MACF1: variants seen among roughly 807,000 people sequenced by gnomAD.
MACF1 encodes the protein microtubule actin crosslinking factor 1.
A neutral mutation model predicts 854.8 loss-of-function variants in MACF1; 193 were observed. The ratio of observed to expected loss-of-function variants is 0.23; its 90% CI spans 0.20 to 0.25. MACF1 has a LOEUF of 0.25. Among genes scored for constraint, MACF1 ranks in the 10% least tolerant of loss-of-function variants. The pLI is 1.00. For missense variants in MACF1, 7,722 were observed against 8,929.1 expected, an observed-to-expected ratio of 0.86 and a Z score of 5.45; for synonymous variants, 3,185 against 3,226.7, an observed-to-expected ratio of 0.99 and a Z score of 0.44.
At chr1:39,220,778 C>G (rs898203214) in intron 1 of MACF1, among the ~76,000 whole-genome samples, 2 of 152,062 alleles carry the variant, frequency 1.3e-5, no homozygotes, top group Non-Finnish European at 2.9e-5. Flanking sequence ...AGCCACTGCC[C>G]CTGGCTGGCC....
intron 2 of MACF1, among the ~76,000 whole-genome samples, chr1:39,174,728 G>A (rs1244944852): frequency 6.6e-6 from 1 of 152,162 alleles, no homozygotes; most frequent in Non-Finnish European, 1.5e-5. Flanking sequence ...TGTTTCTTGT[G>A]CCCCAGGAAA....
At chr1:39,316,920 C>T (rs563848841) in intron 28 of MACF1, among the ~76,000 whole-genome samples, 1 of 152,346 alleles carries the variant, frequency 6.6e-6, no homozygotes, top group East Asian at 1.9e-4. Context: ...CCAACACTTA[C>T]TCTGGCTAAA....
intron 1 of MACF1, among the ~76,000 whole-genome samples, chr1:39,220,185 T>A (rs572580337): frequency 1.2e-3 from 188 of 151,750 alleles, no homozygotes; most frequent in Non-Finnish European, 1.8e-3. Context: ...GAAAAAAAAA[T>A]TTTTTTTTGA....
At position 39,469,555 on chromosome 1, in the gene MACF1, C is replaced by G; in HGVS notation, c.21898C>G (p.Pro7300Ala). The change falls in exon 97 of 101, where the codon CCT (proline) becomes GCT (alanine). Residue 7300 changes from proline (P) to alanine (A), a missense_variant. By Grantham distance (27) the Pro-to-Ala change is conservative. This residue lies in a region of MACF1 where 153 missense variants were observed against 342.5 expected (regional missense o/e 0.45). Transcript: ENST00000564288. Reference protein sequence around the residue: ...VKNDPCRVHHPGSKIKRSDSS... With the variant: ...VKNDPCRVHHAGSKIKRSDSS... ...CGTATTTTTTATTCTAGTTCACCAT[C>G]CTGGGAGTAAAATAAAGCGCTCTGA... 8 of 1,549,772 alleles carry G rather than the reference C, an allele frequency of 5.2e-6. No individual in the cohort carries two copies. The highest frequency in any genetic ancestry group is 7.0e-6 in the Non-Finnish European group (8 of 1,146,254).
chr1:39,429,475 G>T, intron 64 of MACF1, 149 bp downstream of exon 64: 1 of 590,778 alleles, frequency 1.7e-6, no homozygotes, highest in East Asian at 2.8e-5. Context: ...TGCTCCAGAA[G>T]GTTGTTTCCT....
In MACF1 at chr1:39,370,126, T is replaced by A; in HGVS notation, c.13035T>A (p.Ile4345=). The A allele has an allele frequency of 6.2e-7, 1 of 1,614,060 alleles. No homozygotes were observed. The highest frequency in any genetic ancestry group is 1.3e-5 in the African/African-American group (1 of 75,048). The part of the protein sequence containing the change: ...QKWLKETEGS[I]PPTETSMSAK... ...GGTTGAAAGAAACTGAAGGGAGTAT[T>A]CCACCTACGGAAACTTCTATGAGTG... Residue 4345 remains isoleucine, a synonymous_variant, in exon 51 of 101, where the codon ATT becomes ATA. Coordinates refer to ENST00000564288, the MANE Select transcript of MACF1 (RefSeq NM_001394062.1).
At chr1:39,442,079 A>C (rs779407204) in intron 75 of MACF1, 26 bp downstream of exon 75, 1 of 1,593,062 alleles carries the variant, frequency 6.3e-7, no homozygotes, top group Non-Finnish European at 8.5e-7. Flanking sequence ...TGGCTTTTGA[A>C]GAAGAATTGT....
chr1:39,314,397 G>A (rs1431486944), intron 26 of MACF1, among the ~76,000 whole-genome samples: 5 of 151,176 alleles, frequency 3.3e-5, no homozygotes, highest in South Asian at 4.2e-4. Context: ...CAACAAGAGC[G>A]AAACTCTGTC....
intron 1 of MACF1, among the ~76,000 whole-genome samples, chr1:39,219,609 C>T (rs1037783772): frequency 2.6e-5 from 4 of 152,132 alleles, no homozygotes; most frequent in African/African-American, 7.2e-5. Flanking sequence ...ATTGCTTGAC[C>T]TCCAATTTCA....
chr1:39,326,781 A>T (rs1646623803), intron 35 of MACF1, among the ~76,000 whole-genome samples: 1 of 152,098 alleles, frequency 6.6e-6, no homozygotes, highest in East Asian at 1.9e-4. Context: ...GCTAGACAAC[A>T]GGTAAATAAG....
rs1412671906 is a variant in MACF1, at chr1:39,336,210, A to G, written c.9622A>G (p.Lys3208Glu). ...EVRYLEFSDRKDLHHQGSKSD... is the reference protein window; with the variant it reads ...EVRYLEFSDREDLHHQGSKSD... ...CAGGTATCTAGAATTCTCAGACAGA[A>G]AAGACCTTCATCATCAGGGCAGCAA... The change falls in exon 37 of 101, where the codon AAA becomes GAA. Residue 3208 changes from lysine (K) to glutamate (E), a missense_variant. Physicochemically the swap from Lys to Glu is moderately conservative, Grantham distance 56. Around this residue, in one of 15 missense-constraint regions of MACF1, gnomAD observed 854 missense variants for 852.6 expected, o/e 1.00. Coordinates refer to ENST00000564288, the MANE Select transcript of MACF1 (RefSeq NM_001394062.1). 2 of 1,614,126 alleles carry G rather than the reference A, an allele frequency of 1.2e-6. No individual in the cohort carries two copies. Among genetic ancestry groups the G allele is most frequent in the Non-Finnish European group, 1.7e-6 (2 of 1,180,016 alleles).
At chr1:39,463,523 C>A in intron 93 of MACF1, 89 bp from the exon 94 acceptor site, 1 of 853,886 alleles carries the variant, frequency 1.2e-6, no homozygotes. Context: ...AATGAATAGC[C>A]TCCCTGTTAA....
rs921422597 is a variant in MACF1 at position 39,331,796 on chromosome 1, G to T, written c.5208G>T (p.Gly1736=). ...KLLPVKQLAG[G]MVSLKSGRKV... is the part of the protein sequence containing the mutation. ...TGCCTGTCAAACAATTGGCAGGGGG[G>T]ATGGTGAGCTTGAAATCAGGCCGGA... The change falls in exon 37 of 101, where the codon GGG becomes GGT. Residue 1736 remains glycine, a synonymous_variant. Transcript: ENST00000564288. 39 of 1,614,032 alleles carry T rather than the reference G, an allele frequency of 2.4e-5. No homozygotes were observed. The highest frequency in any genetic ancestry group is 2.5e-6 in the Non-Finnish European group (3 of 1,180,034).
chr1:39,123,143 G>A (rs1642760295), intron 2 of MACF1, among the ~76,000 whole-genome samples: 1 of 151,660 alleles, frequency 6.6e-6, no homozygotes, highest in Admixed American at 6.6e-5. Context: ...TAACTTGGCA[G>A]TCAGTGGTGG....
chr1:39,465,528 TTG>T (rs1330523178), intron 95 of MACF1, among the ~76,000 whole-genome samples: 1 of 152,256 alleles, frequency 6.6e-6, no homozygotes, highest in Non-Finnish European at 1.5e-5. Flanking sequence ...TTTTTAATAT[TTG>T]TAGTTACTTA....
chr1:39,150,262 G>A (rs979052569), intron 2 of MACF1, among the ~76,000 whole-genome samples: 12 of 151,996 alleles, frequency 7.9e-5, no homozygotes, highest in African/African-American at 2.4e-4. Context: ...CAAGCGATTC[G>A]CCCACCTTGG....
chr1:39,358,710 G>T lies in MACF1; in HGVS notation c.11957G>T (p.Gly3986Val), dbSNP rs1569682998. 1.9e-6 allele frequency: 3 copies of T among 1,613,908 alleles called. No homozygotes were observed. The highest frequency in any genetic ancestry group is 2.5e-6 in the Non-Finnish European group (3 of 1,180,022). The change falls in exon 46 of 101, where the codon GGA becomes GTA. Residue 3986 changes from glycine (G) to valine (V), a missense_variant. By Grantham distance (109) the Gly-to-Val change is moderately radical (BLOSUM62 -3). This residue lies in a region of MACF1 where 2,807 missense variants were observed against 3,235.8 expected (regional missense o/e 0.87). Transcript: ENST00000564288. ...TALHSKCTRL[G>V]SHLNMLLGQY... ...TCTCTGGCACAGTGTACACGATTAG[G>T]ATCTCACCTGAATATGCTGTTAGGC...
chr1:39,353,317 A>C, intron 44 of MACF1, 86 bp downstream of exon 44: 1 of 966,862 alleles, frequency 1.0e-6, no homozygotes, highest in Non-Finnish European at 1.5e-6. Flanking sequence ...CCCTAAATCC[A>C]GTGAGCACTT....
At chr1:39,449,870 T>C (rs990203638) in intron 84 of MACF1, among the ~76,000 whole-genome samples, 1 of 149,192 alleles carries the variant, frequency 6.7e-6, no homozygotes, top group African/African-American at 2.5e-5. Flanking sequence ...TTTTTTGTTT[T>C]TGTTTTTGAG....
Sources: allele counts gnomAD v4.1 joint callset (sites outside exome capture counted in the v4.1 genomes callset), GRCh38; gene constraint gnomAD v4.1.1; regional missense constraint gnomAD v4.1.1; transcripts MANE v1.5; gene names NCBI Gene and HGNC (gene_info 2026-07-23, HGNC 2026-07-21).